ITGB8: variants seen among roughly 807,000 people sequenced by gnomAD.
The protein encoded by ITGB8 is integrin beta-8.
ITGB8 carries 30 observed loss-of-function variants against 89.5 expected under a neutral mutation model. That is an observed-to-expected ratio of 0.34 (90% CI 0.25 to 0.45). The LOEUF is 0.45. ITGB8 is among the 20% of genes least tolerant of loss of function. The pLI is 1.00. For missense variants in ITGB8, 836 were observed against 933.3 expected, an observed-to-expected ratio of 0.90 and a Z score of 1.36; for synonymous variants, 335 against 320.4, an observed-to-expected ratio of 1.05 and a Z score of -0.49.
At chr7:20,357,336 A>G (rs1449829771) in intron 1 of ITGB8, among the ~76,000 whole-genome samples, 1 of 152,014 alleles carries the variant, frequency 6.6e-6, no homozygotes, top group Non-Finnish European at 1.5e-5. Flanking sequence ...AGCCATTTTT[A>G]TATATTAGCT....
intron 9 of ITGB8, 34 bp from the exon 10 acceptor site, chr7:20,401,687 T>C (rs1265985341): frequency 1.6e-6 from 2 of 1,277,706 alleles, no homozygotes; most frequent in East Asian, 2.4e-5. Context: ...AATTAAGGTA[T>C]ATAAATATAT....
In ITGB8 at chr7:20,331,242, T is replaced by C. The variant is rs1190708796; in HGVS notation, c.-565T>C. ...GGGGCTGCAAAGCTGCAACTAATGG[T>C]GTTGGCCTCCCTGCCCACCTGTGGA... On this transcript the variant is annotated 5_prime_UTR_variant, in exon 1 of 14. Transcript: ENST00000222573. 2 of 263,566 alleles carry C rather than the reference T, an allele frequency of 7.6e-6. No individual in the cohort carries two copies. The highest frequency in any genetic ancestry group is 1.4e-5 in the Non-Finnish European group (2 of 140,758). 16.3% of individuals were successfully genotyped at this position (263,566 alleles called of 1,614,324 possible).
At chr7:20,367,250 T>G (rs1365366765) in intron 3 of ITGB8, 64 bp downstream of exon 3, 2 of 1,235,632 alleles carry the variant, frequency 1.6e-6, no homozygotes, top group Non-Finnish European at 2.4e-6. Flanking sequence ...TACTTTAATT[T>G]GCTCATTTTT....
chr7:20,333,725 T>C (rs762972814), intron 1 of ITGB8, among the ~76,000 whole-genome samples: 28 of 152,206 alleles, frequency 1.8e-4, no homozygotes, highest in Non-Finnish European at 3.4e-4. Flanking sequence ...AATGCTTATC[T>C]GAAATCAGAA....
At chr7:20,369,653 A>G (rs1440343584) in intron 3 of ITGB8, among the ~76,000 whole-genome samples, 5 of 152,336 alleles carry the variant, frequency 3.3e-5, no homozygotes, top group Non-Finnish European at 5.9e-5. Flanking sequence ...AGCATTTGAT[A>G]CATAAATAAT....
At chr7:20,350,309 G>A (rs539074752) in intron 1 of ITGB8, among the ~76,000 whole-genome samples, 319 of 152,148 alleles carry the variant, frequency 2.1e-3, no homozygotes, top group Non-Finnish European at 3.9e-3. Flanking sequence ...CACCATGTCC[G>A]GCTAATTTTT....
chr7:20,352,425 C>T (rs1381034594), intron 1 of ITGB8: 1 of 152,164 alleles, frequency 6.6e-6, no homozygotes, highest in African/African-American at 2.4e-5. Context: ...CATTTGGCTG[C>T]CAAGAGAAAC....
rs1787334826 is a variant in ITGB8 at position 20,402,025 on chromosome 7, G to C, written c.1586G>C (p.Gly529Ala). 1 of 1,613,966 alleles carries C rather than the reference G, an allele frequency of 6.2e-7. No individual in the cohort carries two copies. Among genetic ancestry groups the C allele is most frequent in the African/African-American group, 1.3e-5 (1 of 74,908 alleles). ...VCSGRGVCVC[G>A]KCSCHKIKLG... ...AGTGGTCGAGGAGTTTGTGTTTGTG[G>C]GAAATGTTCATGTCACAAAATTAAG... is the stretch of plus-strand genomic sequence containing the variant. Residue 529 changes from glycine (G) to alanine (A), a missense_variant, in exon 10 of 14, where the codon GGG becomes GCG. Transcript: ENST00000222573.
intron 9 of ITGB8, 59 bp downstream of exon 9, chr7:20,399,053 T>A (rs1787202653): frequency 6.5e-7 from 1 of 1,549,168 alleles, no homozygotes; most frequent in East Asian, 2.4e-5. Context: ...CGTACTTTCT[T>A]ACAGAAAAAG....
At chr7:20,367,546 TG>T (rs1297932063) in intron 3 of ITGB8, among the ~76,000 whole-genome samples, 1 of 152,230 alleles carries the variant, frequency 6.6e-6, no homozygotes, top group Admixed American at 6.5e-5. Flanking sequence ...GTAAGTACTC[TG>T]TAAGTATTTG....
At chr7:20,402,196 T>A in intron 10 of ITGB8, 70 bp downstream of exon 10, 1 of 1,302,536 alleles carries the variant, frequency 7.7e-7, no homozygotes, top group Non-Finnish European at 1.0e-6. Context: ...AAAGTGTCTT[T>A]AAATCACATG....
At chr7:20,397,864 A>G (rs139370165) in intron 8 of ITGB8, among the ~76,000 whole-genome samples, 2 of 152,214 alleles carry the variant, frequency 1.3e-5, no homozygotes, top group East Asian at 3.8e-4. Flanking sequence ...AAATCACTCA[A>G]GTAAAGAATT....
At chr7:20,338,503 C>G (rs951372957) in intron 1 of ITGB8, among the ~76,000 whole-genome samples, 1 of 151,952 alleles carries the variant, frequency 6.6e-6, no homozygotes, top group African/African-American at 2.4e-5. Context: ...CATGGCAGTG[C>G]GCACCTGTAG....
rs1234617269 is a variant in ITGB8, at chr7:20,412,482, TATGGA to T, written c.*2489_*2493del. On this transcript the variant is annotated 3_prime_UTR_variant, in exon 14 of 14. Transcript: ENST00000222573. ...TTTATGAACAATAAACAAATTTCCG[TATGGA>T]ATGAATTATCCAAAAAGAGTATAAC... 6.6e-6 allele frequency: 1 copy of T among 152,578 alleles called. No homozygotes were observed. The highest frequency in any genetic ancestry group is 2.4e-5 in the African/African-American group (1 of 41,452). 9.5% of individuals were successfully genotyped at this position (152,578 alleles called of 1,614,324 possible). A position where few individuals can be genotyped will look rare whatever the true frequency, so the allele number is the denominator to read the frequency against.
rs1282945719 is a variant in ITGB8, at chr7:20,415,440, T to C, written c.*5443T>C. 2 of 152,416 alleles carry C rather than the reference T, an allele frequency of 1.3e-5. No homozygotes were observed. The highest frequency in any genetic ancestry group is 2.4e-5 in the African/African-American group (1 of 41,444). 9.4% of individuals were successfully genotyped at this position (152,416 alleles called of 1,614,324 possible). A position where few individuals can be genotyped will look rare whatever the true frequency, so the allele number is the denominator to read the frequency against. On this transcript the variant is annotated 3_prime_UTR_variant, in exon 14 of 14. Transcript: ENST00000222573. The stretch of plus-strand genomic sequence containing the variant: ...CTCTAAGAAAGAAGCAAATTATCAC[T>C]GAACATATTTCTTATTATTTCTGGC...
At chr7:20,371,614 C>G (rs990423774) in intron 3 of ITGB8, among the ~76,000 whole-genome samples, 1 of 152,078 alleles carries the variant, frequency 6.6e-6, no homozygotes, top group Non-Finnish European at 1.5e-5. Flanking sequence ...AATATAATAT[C>G]ATAACAATGA....
intron 4 of ITGB8, chr7:20,379,746 A>G (rs1192858726): frequency 6.6e-6 from 1 of 152,202 alleles, no homozygotes; most frequent in Non-Finnish European, 1.5e-5. Context: ...ACTGGGGATA[A>G]TGATGTTGTC....
intron 7 of ITGB8, among the ~76,000 whole-genome samples, chr7:20,391,785 G>C (rs1396728956): frequency 6.6e-6 from 1 of 152,188 alleles, no homozygotes; most frequent in Non-Finnish European, 1.5e-5. Flanking sequence ...GACAATGGTG[G>C]AGAAGACTTA....
chr7:20,348,770 G>A (rs1404619005), intron 1 of ITGB8, among the ~76,000 whole-genome samples: 1 of 152,166 alleles, frequency 6.6e-6, no homozygotes, highest in African/African-American at 2.4e-5. Context: ...AGATTGATAA[G>A]TGTTGCAAGA....
Sources: gnomAD v4.1 joint callset for allele counts (sites outside exome capture counted in the v4.1 genomes callset) on GRCh38, gnomAD v4.1.1 for gene constraint, MANE v1.5 for transcripts, NCBI Gene and HGNC (gene_info 2026-07-23, HGNC 2026-07-21) for gene names.